The following TTC12 variants were observed in gnomAD, a reference collection of about 807,000 sequenced individuals.
TTC12 encodes the protein tetratricopeptide repeat domain 12.
A neutral mutation model predicts 90.1 loss-of-function variants in TTC12; 70 were observed. The ratio of observed to expected loss-of-function variants is 0.78; its 90% CI spans 0.64 to 0.95. The LOEUF is 0.95. TTC12 is among the 40% of genes least tolerant of loss of function. The pLI, the probability that TTC12 is intolerant of heterozygous loss-of-function variation, is 0.00. For missense variants in TTC12, 819 were observed against 846.1 expected (o/e 0.97, Z 0.40); for synonymous variants, 296 against 311.5 (o/e 0.95, Z 0.53).
chr11:113,341,696 G>T (rs1280230125), intron 11 of TTC12, 141 bp from the exon 12 acceptor site: 2 of 682,628 alleles, frequency 2.9e-6, no homozygotes, highest in Non-Finnish European at 5.2e-6. Flanking sequence ...ATTGATCCTG[G>T]TGACCCATGG....
At position 113,331,689 on chromosome 11, in the gene TTC12, A is replaced by C. The variant is rs77761414; in HGVS notation, c.504+1710A>C. 2.7e-3 allele frequency among the ~76,000 whole-genome samples: 405 copies of C among 152,362 alleles called. 1 individual carries two copies. Among genetic ancestry groups the C allele is most frequent in the Non-Finnish European group, 4.2e-3 (285 of 68,040 alleles). On this transcript the variant is annotated intron_variant, in intron 7 of 21. Transcript: ENST00000529221. Reference sequence around the variant, plus strand: ...AGGCCAAAGGGGCAGACATACCATCATGCTGATTCAGGATAACAGGCTGGC... The same window carrying C: ...AGGCCAAAGGGGCAGACATACCATCCTGCTGATTCAGGATAACAGGCTGGC...
intron 20 of TTC12, 191 bp from the exon 21 acceptor site, chr11:113,364,643 TC>T (rs1950107544): frequency 1.7e-6 from 1 of 595,520 alleles, no homozygotes; most frequent in African/African-American, 1.9e-5. Context: ...CTTCAGAGGT[TC>T]AGCAAGGAGT....
chr11:113,344,395 CTG>C lies in TTC12; in HGVS notation c.1110_1111del (p.Ser372ArgfsTer10). On this transcript the variant is annotated frameshift_variant, in exon 13 of 22. Coordinates refer to ENST00000529221, the MANE Select transcript of TTC12 (RefSeq NM_017868.4). LOFTEE classifies it high-confidence loss of function. ...GCCCTGCTGCTGCATCTCGCCCAGA[CTG>C]AGAGCGGACGGAGCCTGATCATCAA... 1 of 1,614,200 alleles carries C rather than the reference CTG, an allele frequency of 6.2e-7. No individual in the cohort carries two copies. Among genetic ancestry groups the C allele is most frequent in the Non-Finnish European group, 8.5e-7 (1 of 1,180,036 alleles).
rs1555150485 is a variant in TTC12, at chr11:113,352,064, A to G, written c.1309-6A>G. ...GAGGCTCTGCCTTCTCTCAATTCTCATTTAGAAGACAGATCCCAAGGTAAG... is the reference window on the plus strand; with the variant it reads ...GAGGCTCTGCCTTCTCTCAATTCTCGTTTAGAAGACAGATCCCAAGGTAAG... On this transcript the variant is annotated splice_polypyrimidine_tract_variant and splice_region_variant and intron_variant, in intron 15 of 21. Coordinates refer to ENST00000529221, the MANE Select transcript of TTC12 (RefSeq NM_017868.4). 6.2e-7 allele frequency: 1 copy of G among 1,612,966 alleles called. No individual in the cohort carries two copies. The highest frequency in any genetic ancestry group is 8.5e-7 in the Non-Finnish European group (1 of 1,179,648).
intron 15 of TTC12, among the ~76,000 whole-genome samples, chr11:113,351,752 G>A (rs1433323779): frequency 6.6e-6 from 1 of 152,138 alleles, no homozygotes; most frequent in Admixed American, 6.5e-5. Flanking sequence ...GAAGTTTCAG[G>A]GGCCCTTAGA....
intron 17 of TTC12, 32 bp downstream of exon 17, chr11:113,359,493 C>G: frequency 7.0e-7 from 1 of 1,419,384 alleles, no homozygotes; most frequent in Non-Finnish European, 1.0e-6. Context: ...GCCTGGAGCC[C>G]TGGGACAACC....
chr11:113,326,588 C>T (rs1399832053), intron 6 of TTC12, among the ~76,000 whole-genome samples: 4 of 152,104 alleles, frequency 2.6e-5, no homozygotes, highest in Non-Finnish European at 5.9e-5. Context: ...CATTCGGAAG[C>T]CGAAACATAT....
In TTC12 at chr11:113,338,709, C is replaced by G. The variant is rs567492345; in HGVS notation, c.577-65C>G. 1.2e-5 allele frequency: 15 copies of G among 1,293,724 alleles called. No homozygotes were observed. In the African/African-American group the frequency reaches 2.2e-4, roughly 19 times the overall value. The allele number at this position is 1,293,724 out of a possible 1,614,324, so 80.1% of individuals were successfully genotyped here. On this transcript the variant is annotated intron_variant, in intron 8 of 21. Transcript: ENST00000529221. The stretch of plus-strand genomic sequence containing the variant: ...ATGAAGCAGCCAAGCCCAATGACAC[C>G]CAGTGTCTTTCTCATAATCACCTTT...
rs536531095 is a variant in TTC12 at position 113,331,778 on chromosome 11, A to G, written c.504+1799A>G. 1.8e-4 allele frequency among the ~76,000 whole-genome samples: 27 copies of G among 152,370 alleles called. No homozygotes were observed. The South Asian group carries it at 5.2e-3, about 29-fold the overall frequency. The stretch of plus-strand genomic sequence containing the variant: ...GGTGAAACCGAGGCCAAGCAGGCCC[A>G]ATGGAGCTGACATTAAAAAACACTG... On this transcript the variant is annotated intron_variant, in intron 7 of 21. Coordinates refer to ENST00000529221, the MANE Select transcript of TTC12 (RefSeq NM_017868.4).
At chr11:113,359,223 A>G (rs367877702) in intron 16 of TTC12, 140 bp from the exon 17 acceptor site, 11 of 594,004 alleles carry the variant, frequency 1.9e-5, no homozygotes, top group South Asian at 1.2e-4. Flanking sequence ...CTGGTCTCTG[A>G]TCCTCCACCA....
intron 13 of TTC12, among the ~76,000 whole-genome samples, chr11:113,346,256 G>A (rs1555148096): frequency 1.3e-5 from 2 of 151,940 alleles, no homozygotes; most frequent in African/African-American, 4.8e-5. Context: ...GTGTGACCCA[G>A]GAAAGTTATT....
intron 6 of TTC12, among the ~76,000 whole-genome samples, chr11:113,328,007 T>C (rs1309119598): frequency 1.3e-5 from 2 of 152,186 alleles, no homozygotes; most frequent in Admixed American, 6.5e-5. Context: ...TCCCTGTGAG[T>C]TGCAACATTG....
At chr11:113,315,951 G>A (rs187188618) in intron 1 of TTC12, 428 of 236,458 alleles carry the variant, frequency 1.8e-3, no homozygotes, top group African/African-American at 9.2e-3. Context: ...TCCATGCCAG[G>A]TCCCTAAATC....
At chr11:113,327,612 G>A (rs1278549715) in intron 6 of TTC12, among the ~76,000 whole-genome samples, 2 of 151,986 alleles carry the variant, frequency 1.3e-5, no homozygotes, top group Non-Finnish European at 2.9e-5. Context: ...GAAGTTATAG[G>A]GTGTTTAATC....
In TTC12 at chr11:113,359,419, A is replaced by T; in HGVS notation, c.1503A>T (p.Gly501=). The part of the protein sequence containing the change: ...LFREVIYTLL[G]LMMNLCLQAP... ...GAGAGGTTATCTACACACTCCTGGG[A>T]CTCATGATGAACCTGTGTCTTCAGG... The change falls in exon 17 of 22, where the codon GGA becomes GGT. Residue 501 remains glycine, a synonymous_variant. Coordinates refer to ENST00000529221, the MANE Select transcript of TTC12 (RefSeq NM_017868.4). 6.2e-7 allele frequency: 1 copy of T among 1,613,644 alleles called. No individual in the cohort carries two copies. The highest frequency in any genetic ancestry group is 8.5e-7 in the Non-Finnish European group (1 of 1,179,634).
At chr11:113,328,455 A>G (rs1201157894) in intron 6 of TTC12, among the ~76,000 whole-genome samples, 1 of 151,996 alleles carries the variant, frequency 6.6e-6, no homozygotes, top group Non-Finnish European at 1.5e-5. Context: ...GATTTTCAAG[A>G]TTTTCCCCAA....
At position 113,341,909 on chromosome 11, in the gene TTC12, AG is replaced by A. The variant is rs782405068; in HGVS notation, c.970del (p.Val324CysfsTer12). The stretch of plus-strand genomic sequence containing the variant: ...TGTCTGTTCTCAAGCTCTGGCAAGC[AG>A]TGTGCAGCAGGAACGGTAAGCCTGG... ...CVSVLKLWQA[V>X]CSRNEENQRV... On this transcript the variant is annotated frameshift_variant, in exon 12 of 22. Transcript: ENST00000529221. LOFTEE classifies it high-confidence loss of function. The A allele has an allele frequency of 6.2e-7, 1 of 1,614,092 alleles. No individual in the cohort carries two copies. Among genetic ancestry groups the A allele is most frequent in the South Asian group, 1.1e-5 (1 of 91,074 alleles).
intron 16 of TTC12, 53 bp from the exon 17 acceptor site, chr11:113,359,310 A>G: frequency 8.0e-7 from 1 of 1,245,024 alleles, no homozygotes; most frequent in East Asian, 2.4e-5. Context: ...AAAGATGACC[A>G]TAAAAAGCTG....
At chr11:113,348,800 A>G (rs782221747) in intron 13 of TTC12, among the ~76,000 whole-genome samples, 3 of 152,246 alleles carry the variant, frequency 2.0e-5, no homozygotes, top group Non-Finnish European at 2.9e-5. Context: ...AGGGGCCAAC[A>G]GGGCAAAGTA....
Sources: gnomAD v4.1 joint callset for allele counts (sites outside exome capture counted in the v4.1 genomes callset) on GRCh38, gnomAD v4.1.1 for gene constraint, MANE v1.5 for transcripts, NCBI Gene and HGNC (gene_info 2026-07-23, HGNC 2026-07-21) for gene names.